MCC: variants seen among roughly 807,000 people sequenced by gnomAD.
The protein encoded by MCC is MCC regulator of Wnt signaling pathway, also known as colorectal mutant cancer protein.
In MCC, 90 loss-of-function variants were observed where a neutral mutation model predicts 116.2. The observed-to-expected ratio is 0.77, with a 90% CI of 0.65 to 0.92. The LOEUF is 0.92. Among genes scored for constraint, MCC ranks in the 40% least tolerant of loss-of-function variants. MCC has a pLI of 0.00. For synonymous variants in MCC, 578 were observed against 510.5 expected, an observed-to-expected ratio of 1.13 and a Z score of -1.78; for missense variants, 1,516 against 1,312.2, an observed-to-expected ratio of 1.16 and a Z score of -2.40.
chr5:113,286,019 G>A (rs550662791), intron 3 of MCC, among the ~76,000 whole-genome samples: 1 of 152,282 alleles, frequency 6.6e-6, no homozygotes, highest in East Asian at 1.9e-4. Flanking sequence ...CTGGGATTTG[G>A]TCCAAACAAC....
chr5:113,062,380 C>T (rs1753283299), intron 14 of MCC, among the ~76,000 whole-genome samples: 1 of 152,212 alleles, frequency 6.6e-6, no homozygotes, highest in Non-Finnish European at 1.5e-5. Context: ...TGTTCTCCCT[C>T]CTGACTGGTT....
At chr5:113,040,114 G>A (rs555186049) in intron 17 of MCC, among the ~76,000 whole-genome samples, 1 of 151,972 alleles carries the variant, frequency 6.6e-6, no homozygotes, top group Non-Finnish European at 1.5e-5. Flanking sequence ...CCAACAAACT[G>A]CAATAAATGT....
intron 1 of MCC, among the ~76,000 whole-genome samples, chr5:113,396,164 C>T (rs1394202617): frequency 3.9e-5 from 6 of 151,980 alleles, no homozygotes; most frequent in African/African-American, 1.5e-4. Context: ...CCCATCTCCA[C>T]AAAAAATACA....
At chr5:113,086,885 C>T (rs1007703156) in intron 8 of MCC, among the ~76,000 whole-genome samples, 2 of 152,136 alleles carry the variant, frequency 1.3e-5, no homozygotes, top group Non-Finnish European at 2.9e-5. Flanking sequence ...AGGGCCCTAC[C>T]CCAGGGATTC....
rs1252386411 is a variant in MCC at position 113,143,213 on chromosome 5, C to T, written c.884+5G>A. On this transcript the variant is annotated splice_donor_5th_base_variant and intron_variant, in intron 5 of 18. Coordinates refer to ENST00000408903, the MANE Select transcript of MCC (RefSeq NM_001085377.2). ...GCAGAGTAAAAGCCGAATGGAGCCG[C>T]GTACCTGATGGTGGTGCCTTGCAGA... 7 of 1,596,306 alleles carry T rather than the reference C, an allele frequency of 4.4e-6. No homozygotes were observed. Among genetic ancestry groups the T allele is most frequent in the South Asian group, 1.1e-5 (1 of 88,752 alleles).
Position 113,130,688 on chromosome 5 carries a change from G to A in MCC, c.885-7862C>T, listed in dbSNP as rs139475067. Reference sequence around the variant, plus strand: ...TCACTCTATTAGTTCCTTGGAGAGCGAGTTGTTGAAAGAGCCTGGCACATC... The same window carrying A: ...TCACTCTATTAGTTCCTTGGAGAGCAAGTTGTTGAAAGAGCCTGGCACATC... On this transcript the variant is annotated intron_variant, in intron 5 of 18. Transcript: ENST00000408903. Among the ~76,000 whole-genome samples the A allele has an allele frequency of 6.0e-3, 915 of 152,096 alleles. 13 individuals are homozygous for A. Among genetic ancestry groups the A allele is most frequent in the African/African-American group, 0.021 (879 of 41,474 alleles).
Position 113,264,027 on chromosome 5 carries a change from TACA to T in MCC, c.627+76489_627+76491del, listed in dbSNP as rs535302489. Among the ~76,000 whole-genome samples the T allele has an allele frequency of 2.7e-4, 41 of 152,328 alleles. No individual in the cohort carries two copies. In the South Asian group the frequency reaches 8.1e-3, roughly 30 times the overall value. ...CATCTGGTTCTTTAATTCCTCATTT[TACA>T]ACAATGTTCTGGGAATGAAAAGAGG... On this transcript the variant is annotated intron_variant, in intron 3 of 18. Coordinates refer to ENST00000408903, the MANE Select transcript of MCC (RefSeq NM_001085377.2).
chr5:113,284,206 C>G (rs943190287), intron 3 of MCC, among the ~76,000 whole-genome samples: 2 of 152,136 alleles, frequency 1.3e-5, no homozygotes, highest in African/African-American at 4.8e-5. Context: ...AAAAAGTAGC[C>G]GGATGTCTTG....
chr5:113,463,614 A>G (rs564337913), intron 1 of MCC, among the ~76,000 whole-genome samples: 2 of 152,292 alleles, frequency 1.3e-5, no homozygotes, highest in East Asian at 3.9e-4. Flanking sequence ...GTTTTGTGGG[A>G]AGAATCCTGA....
At chr5:113,267,281 T>G (rs1026280292) in intron 3 of MCC, among the ~76,000 whole-genome samples, 20 of 152,042 alleles carry the variant, frequency 1.3e-4, no homozygotes, top group African/African-American at 3.9e-4. Context: ...CCCAAGAGAC[T>G]CTTGGGTCTG....
intron 1 of MCC, among the ~76,000 whole-genome samples, chr5:113,420,491 C>G (rs1770299221): frequency 6.6e-6 from 1 of 152,130 alleles, no homozygotes; most frequent in Admixed American, 6.6e-5. Flanking sequence ...GGGATCATCT[C>G]TATGAAATAA....
intron 2 of MCC, among the ~76,000 whole-genome samples, chr5:113,371,239 A>C (rs577719637): frequency 2.4e-4 from 36 of 152,308 alleles, no homozygotes; most frequent in African/African-American, 8.2e-4. Context: ...GAAAGTAAAA[A>C]AAGACAGTTG....
At chr5:113,465,975 C>A (rs73241779) in intron 1 of MCC, among the ~76,000 whole-genome samples, 31,095 of 151,246 alleles carry the variant, frequency 0.21, 3,673 homozygotes, top group Admixed American at 0.34. Flanking sequence ...CTCGTTCCAT[C>A]GCTCAGGCTG....
Position 113,071,092 on chromosome 5 carries a change from A to G in MCC, c.1925+2T>C. ...GCTCCAAACATCCCAGTGTGTGCCT[A>G]CCTGTACTGCAAGGCCAGCCTCAGC... is the stretch of plus-strand genomic sequence containing the variant. On this transcript the variant is annotated splice_donor_variant, in intron 12 of 18. Coordinates refer to ENST00000408903, the MANE Select transcript of MCC (RefSeq NM_001085377.2). LOFTEE classifies it high-confidence loss of function. 6.4e-7 allele frequency: 1 copy of G among 1,556,600 alleles called. No homozygotes were observed. The highest frequency in any genetic ancestry group is 1.1e-5 in the South Asian group (1 of 88,972).
intron 3 of MCC, among the ~76,000 whole-genome samples, chr5:113,170,909 A>G (rs1761038605): frequency 6.6e-6 from 1 of 152,058 alleles, no homozygotes; most frequent in South Asian, 2.1e-4. Flanking sequence ...TAAGCTGAAG[A>G]GTGGGTGTTT....
intron 3 of MCC, among the ~76,000 whole-genome samples, chr5:113,198,269 C>G (rs1455111306): frequency 6.6e-6 from 1 of 152,166 alleles, no homozygotes; most frequent in Non-Finnish European, 1.5e-5. Context: ...TCATTTGAGT[C>G]CTTCTTCCCC....
At chr5:113,145,258 A>C (rs1039521539) in intron 4 of MCC, among the ~76,000 whole-genome samples, 3 of 152,180 alleles carry the variant, frequency 2.0e-5, no homozygotes, top group Non-Finnish European at 2.9e-5. Context: ...GGACACTCTC[A>C]TGCAGGTCAC....
At chr5:113,362,606 AT>A (rs1768577140) in intron 2 of MCC, among the ~76,000 whole-genome samples, 1 of 151,910 alleles carries the variant, frequency 6.6e-6, no homozygotes, top group South Asian at 2.1e-4. Flanking sequence ...GGATTGGTGT[AT>A]TTTTTTATAG....
At chr5:113,093,128 C>T (rs1755760604) in intron 8 of MCC, among the ~76,000 whole-genome samples, 1 of 152,052 alleles carries the variant, frequency 6.6e-6, no homozygotes, top group Admixed American at 6.6e-5. Context: ...AAAAGTAATG[C>T]AAAACACTAT....
Sources: gnomAD v4.1 joint callset for allele counts (sites outside exome capture counted in the v4.1 genomes callset) on GRCh38, gnomAD v4.1.1 for gene constraint, MANE v1.5 for transcripts, NCBI Gene and HGNC (gene_info 2026-07-23, HGNC 2026-07-21) for gene names.